The following JPH2 variants were observed in gnomAD, a reference collection of about 807,000 sequenced individuals.
The protein encoded by JPH2 is junctophilin-2.
Under a neutral mutation model 55.9 loss-of-function variants are expected in JPH2, and 38 were observed. The observed-to-expected ratio is 0.68, with a 90% CI of 0.52 to 0.89. The LOEUF (loss-of-function observed/expected upper bound fraction) is 0.89. Ranked by LOEUF, JPH2 falls within the 40% of genes least tolerant of loss-of-function variation. JPH2 has a pLI of 0.00. For missense variants in JPH2, 964 were observed against 1,037.6 expected (o/e 0.93, Z 0.97); for synonymous variants, 480 against 472.4 (o/e 1.02, Z -0.21).
At chr20:44,123,635 T>C (rs73908569) in intron 2 of JPH2, among the ~76,000 whole-genome samples, 10,793 of 152,252 alleles carry the variant, frequency 0.071, 488 homozygotes, top group African/African-American at 0.13. Flanking sequence ...TGGGAGGCTA[T>C]TGCTTCTAGG....
intron 2 of JPH2, among the ~76,000 whole-genome samples, chr20:44,132,229 G>A (rs2072323827): frequency 1.3e-5 from 2 of 152,020 alleles, no homozygotes; most frequent in African/African-American, 4.8e-5. Context: ...TCTATTGTAT[G>A]TAACATTTGT....
chr20:44,145,160 C>T (rs954619519), intron 2 of JPH2, among the ~76,000 whole-genome samples: 1 of 152,002 alleles, frequency 6.6e-6, no homozygotes. Context: ...AGCACTGATC[C>T]GAATCCCTGG....
intron 2 of JPH2, among the ~76,000 whole-genome samples, chr20:44,134,821 T>G (rs74177350): frequency 0.3 from 27,063 of 89,632 alleles, 3,270 homozygotes; most frequent in East Asian, 0.43. Flanking sequence ...ATATAAATAT[T>G]TATAAATATA....
intron 2 of JPH2, among the ~76,000 whole-genome samples, chr20:44,120,729 T>A (rs1246377728): frequency 6.6e-6 from 1 of 152,198 alleles, no homozygotes; most frequent in East Asian, 1.9e-4. Flanking sequence ...TAACGATAGC[T>A]GATAAGCTTA....
Position 44,159,864 on chromosome 20 carries a change from C to G in JPH2, c.923G>C (p.Arg308Pro). 1.2e-6 allele frequency: 2 copies of G among 1,613,340 alleles called. No individual in the cohort carries two copies. Among genetic ancestry groups the G allele is most frequent in the Non-Finnish European group, 1.7e-6 (2 of 1,179,848 alleles). The change falls in exon 2 of 6, where the codon CGC (arginine) becomes CCC (proline). Residue 308 changes from arginine (R) to proline (P), a missense_variant. By Grantham distance (103) the Arg-to-Pro change is moderately radical. Coordinates refer to ENST00000372980, the MANE Select transcript of JPH2 (RefSeq NM_020433.5). The surrounding 1 kb of genome is among the most constrained non-coding windows in gnomAD (Gnocchi z 5.7). ...DKRSGFGVSE[R>P]SSGLRYEGEW... is the part of the protein sequence containing the mutation. ...GCCCTCGTAGCGGAGGCCACTGGAGCGTTCGCTCACGCCGAAGCCCGAGCG... is the reference window on the plus strand; with the variant it reads ...GCCCTCGTAGCGGAGGCCACTGGAGGGTTCGCTCACGCCGAAGCCCGAGCG...
chr20:44,178,011 A>G (rs368033179), intron 1 of JPH2: 2 of 856,898 alleles, frequency 2.3e-6, no homozygotes, highest in African/African-American at 3.3e-5. Context: ...GGGAGGTTAC[A>G]TGGTGCACCC....
At chr20:44,184,526 G>T (rs866011990) in intron 1 of JPH2, among the ~76,000 whole-genome samples, 1 of 152,148 alleles carries the variant, frequency 6.6e-6, no homozygotes, top group Admixed American at 6.5e-5. Flanking sequence ...TGGATCAATG[G>T]TGCTGATGCT....
intron 2 of JPH2, among the ~76,000 whole-genome samples, chr20:44,122,928 G>C (rs552296661): frequency 1.3e-5 from 2 of 151,514 alleles, no homozygotes; most frequent in African/African-American, 4.8e-5. Flanking sequence ...GGCTGGGCAA[G>C]CCTTCAAACT....
intron 2 of JPH2, among the ~76,000 whole-genome samples, chr20:44,136,880 T>C (rs2072417003): frequency 1.3e-5 from 2 of 152,206 alleles, no homozygotes; most frequent in African/African-American, 2.4e-5. Context: ...GAAGGGTATA[T>C]TCATTCAGTT....
chr20:44,175,136 T>C (rs6130556), intron 1 of JPH2, among the ~76,000 whole-genome samples: 129,229 of 151,886 alleles, frequency 0.85, 55,015 homozygotes, highest in African/African-American at 0.87. Flanking sequence ...TAGATCCTTC[T>C]AGGCCTTTTC....
At chr20:44,176,832 C>T (rs906465873) in intron 1 of JPH2, 1 of 978,714 alleles carries the variant, frequency 1.0e-6, no homozygotes, top group African/African-American at 1.8e-5. Context: ...ATAAAGGATT[C>T]CAATTTAATT....
At chr20:44,131,666 TTAAG>T (rs2072320168) in intron 2 of JPH2, among the ~76,000 whole-genome samples, 2 of 152,234 alleles carry the variant, frequency 1.3e-5, no homozygotes, top group Admixed American at 6.5e-5. Flanking sequence ...ATTTATTCAC[TTAAG>T]TAATTTTCCA....
At chr20:44,185,913 G>T (rs1600482466) in intron 1 of JPH2, among the ~76,000 whole-genome samples, 1 of 152,064 alleles carries the variant, frequency 6.6e-6, no homozygotes. Context: ...TGGATGGATG[G>T]GTGGGTGGAT....
At chr20:44,126,139 A>AGAGAGAGGGAGGGAGGGAGGGAGG (rs1204759690) in intron 2 of JPH2, among the ~76,000 whole-genome samples, 1 of 37,592 alleles carries the variant, frequency 2.7e-5, no homozygotes, top group Non-Finnish European at 4.9e-5. Context: ...AGAAAAAGAG[A>AGAGAGAGGGAGGGAGGGAGGGAGG]GAGGGAGGGA....
chr20:44,127,729 C>A (rs2072287571), intron 2 of JPH2, among the ~76,000 whole-genome samples: 1 of 152,022 alleles, frequency 6.6e-6, no homozygotes, highest in African/African-American at 2.4e-5. Context: ...ACCTCGTGAT[C>A]CACCCGCCTC....
chr20:44,134,632 TATA>T (rs2072384892), intron 2 of JPH2, among the ~76,000 whole-genome samples: 2 of 36,224 alleles, frequency 5.5e-5, no homozygotes, highest in Non-Finnish European at 9.0e-5. Context: ...ATATATTTAT[TATA>T]AATATATAAA....
rs151305680 is a variant in JPH2 at position 44,159,944 on chromosome 20, G to T, written c.843C>A (p.Ala281=). Residue 281 remains alanine (A), a synonymous_variant, in exon 2 of 6, where the codon GCC becomes GCA. Coordinates refer to ENST00000372980, the MANE Select transcript of JPH2 (RefSeq NM_020433.5). The surrounding 1 kb of genome is among the most constrained non-coding windows in gnomAD (Gnocchi z 5.7). ...EGADEAAPFE[A]DIDATTTETY... is the part of the protein sequence containing the mutation. ...TCTCGGTGGTGGTGGCGTCGATATC[G>T]GCCTCGAAGGGTGCGGCCTCGTCGG... 6.4e-6 allele frequency: 10 copies of T among 1,560,332 alleles called. No homozygotes were observed. Among genetic ancestry groups the T allele is most frequent in the South Asian group, 1.1e-5 (1 of 88,476 alleles).
rs935509279 is a variant in JPH2 at position 44,109,533 on chromosome 20, A to G, written c.*3985T>C. 1.3e-5 allele frequency among the ~76,000 whole-genome samples: 2 copies of G among 152,244 alleles called. No homozygotes were observed. Among genetic ancestry groups the G allele is most frequent in the African/African-American group, 4.8e-5 (2 of 41,460 alleles). On this transcript the variant is annotated 3_prime_UTR_variant, in exon 6 of 6. Transcript: ENST00000372980. The stretch of plus-strand genomic sequence containing the variant: ...AAGGGCTTAGCACAGGGCCTGACCT[A>G]CGGCCACCTGACTCCATTGAGTGTA...
At chr20:44,183,703 G>A (rs1399373267) in intron 1 of JPH2, among the ~76,000 whole-genome samples, 1 of 152,206 alleles carries the variant, frequency 6.6e-6, no homozygotes, top group African/African-American at 2.4e-5. Flanking sequence ...GCCTTCTGAT[G>A]CCAAATGTCA....
Sources: allele counts gnomAD v4.1 joint callset (sites outside exome capture counted in the v4.1 genomes callset), GRCh38; gene constraint gnomAD v4.1.1; non-coding constraint Gnocchi (gnomAD v3.1); transcripts MANE v1.5; gene names NCBI Gene and HGNC (gene_info 2026-07-23, HGNC 2026-07-21).